Variants in TENM2 observed in about 807,000 individuals in gnomAD.
TENM2 encodes the protein teneurin-2.
TENM2 carries 52 observed loss-of-function variants against 245.2 expected under a neutral mutation model. The observed-to-expected ratio is 0.21, with a 90% CI of 0.17 to 0.27. The LOEUF is 0.27. Ranked by LOEUF, TENM2 falls within the 10% of genes least tolerant of loss-of-function variation. The probability of loss-of-function intolerance (pLI) is 1.00; values close to 1 mark genes in which losing one functional copy is unlikely to be tolerated. For missense variants in TENM2, 3,046 were observed against 3,666.8 expected (o/e 0.83, Z 4.37); for synonymous variants, 1,363 against 1,438.9 (o/e 0.95, Z 1.19).
chr5:167,006,198 C>G, the TENM2 span, among the ~76,000 whole-genome samples: 14 of 152,216 alleles, frequency 9.2e-5, no homozygotes, highest in Admixed American at 2.0e-4. Flanking sequence ...CAGATATATA[C>G]ACTTAATGTG....
At chr5:167,340,656 A>G (rs1414003459) in intron 1 of TENM2, among the ~76,000 whole-genome samples, 1 of 152,206 alleles carries the variant, frequency 6.6e-6, no homozygotes, top group Non-Finnish European at 1.5e-5. Flanking sequence ...CAGCTTATAC[A>G]TTTTGGTGGG....
At chr5:167,158,773 A>G in the TENM2 span, among the ~76,000 whole-genome samples, 2 of 151,946 alleles carry the variant, frequency 1.3e-5, no homozygotes, top group African/African-American at 4.8e-5. Context: ...CCCCATTTCC[A>G]AGTACCATCC....
the TENM2 span, among the ~76,000 whole-genome samples, chr5:167,025,177 A>G: frequency 6.6e-6 from 1 of 152,322 alleles, no homozygotes; most frequent in East Asian, 1.9e-4. Context: ...AGGTAAAGTT[A>G]ATTTTAATAA....
intron 12 of TENM2, among the ~76,000 whole-genome samples, chr5:168,145,745 C>T (rs1487509078): frequency 6.7e-6 from 1 of 150,022 alleles, no homozygotes; most frequent in Non-Finnish European, 1.5e-5. Context: ...ATGGGGATGG[C>T]ATTGAATCTG....
intron 5 of TENM2, among the ~76,000 whole-genome samples, chr5:168,036,727 A>ATATATATGTATGTG: frequency 6.8e-6 from 1 of 146,480 alleles, no homozygotes; most frequent in Admixed American, 6.9e-5. Flanking sequence ...GTATGTGTAT[A>ATATATATGTATGTG]TATATACGTA....
the TENM2 span, among the ~76,000 whole-genome samples, chr5:167,220,859 C>T: frequency 6.6e-6 from 1 of 151,574 alleles, no homozygotes; most frequent in African/African-American, 2.4e-5. Flanking sequence ...GAGTCTCACT[C>T]TGTTGCACCC....
At chr5:168,027,823 T>A (rs568636694) in intron 5 of TENM2, among the ~76,000 whole-genome samples, 17 of 152,338 alleles carry the variant, frequency 1.1e-4, no homozygotes, top group African/African-American at 3.6e-4. Flanking sequence ...TTCCCCTGTG[T>A]GGAATGTTCC....
At chr5:168,208,307 A>G (rs867438365) in intron 19 of TENM2, among the ~76,000 whole-genome samples, 1 of 152,240 alleles carries the variant, frequency 6.6e-6, no homozygotes. Context: ...AAATAATATT[A>G]TGATATTAAA....
chr5:167,967,773 GT>G (rs1036795552), intron 4 of TENM2, among the ~76,000 whole-genome samples: 3 of 152,208 alleles, frequency 2.0e-5, no homozygotes, highest in Non-Finnish European at 2.9e-5. Context: ...TAAGTTCACA[GT>G]TGAAAAAAGC....
chr5:167,901,358 T>A (rs1376300986), intron 3 of TENM2, among the ~76,000 whole-genome samples: 1 of 152,224 alleles, frequency 6.6e-6, no homozygotes, highest in Non-Finnish European at 1.5e-5. Context: ...AGGTATTACC[T>A]AATTCTAGAT....
intron 2 of TENM2, among the ~76,000 whole-genome samples, chr5:167,651,946 A>G (rs1044729518): frequency 7.9e-5 from 12 of 152,146 alleles, no homozygotes; most frequent in African/African-American, 2.7e-4. Context: ...CAGATGGCAT[A>G]TTTGGTTTTC....
At chr5:167,867,040 C>T (rs1772384037) in intron 2 of TENM2, among the ~76,000 whole-genome samples, 1 of 152,124 alleles carries the variant, frequency 6.6e-6, no homozygotes, top group African/African-American at 2.4e-5. Flanking sequence ...AATGTTTTTC[C>T]CTTTGAGAGG....
chr5:168,119,762 C>T (rs1339458077), intron 10 of TENM2, among the ~76,000 whole-genome samples: 2 of 152,148 alleles, frequency 1.3e-5, no homozygotes, highest in Non-Finnish European at 2.9e-5. Flanking sequence ...ATGTCCCCAA[C>T]AGAAATAGAA....
chr5:167,898,678 AAGG>A (rs1279629844), intron 3 of TENM2, among the ~76,000 whole-genome samples: 1 of 152,198 alleles, frequency 6.6e-6, no homozygotes, highest in Non-Finnish European at 1.5e-5. Context: ...TCTCAGCATT[AAGG>A]AGAACCTTGC....
At chr5:167,541,064 G>A (rs1351789435) in intron 2 of TENM2, among the ~76,000 whole-genome samples, 1 of 152,128 alleles carries the variant, frequency 6.6e-6, no homozygotes, top group Non-Finnish European at 1.5e-5. Context: ...GATGGAAAGG[G>A]GATAGGTACT....
intron 5 of TENM2, 54 bp downstream of exon 7, chr5:167,993,236 A>G (rs970729758): frequency 6.9e-7 from 1 of 1,452,888 alleles, no homozygotes. Context: ...ATGAGGGGAG[A>G]GGCCATGGAC....
In TENM2 at chr5:167,575,890, T is replaced by C. The variant is rs139610345; in HGVS notation, c.502+200417T>C. Among the ~76,000 whole-genome samples the C allele has an allele frequency of 3.5e-3, 539 of 152,332 alleles. 2 individuals are homozygous for C. The highest frequency in any genetic ancestry group is 0.012 in the African/African-American group (506 of 41,576). On this transcript the variant is annotated intron_variant, in intron 2 of 28. Coordinates refer to ENST00000518659, the Ensembl canonical transcript of TENM2. ...TTCTCAAATTCAATCTCGTTTTTTT[T>C]CTACATCGTTTTTTCCTGCGTGAAA...
chr5:166,979,744 T>C, the TENM2 span, among the ~76,000 whole-genome samples: 14 of 149,346 alleles, frequency 9.4e-5, no homozygotes, highest in African/African-American at 3.2e-4. Flanking sequence ...ACATTTAAAT[T>C]CGGCACTTCG....
At chr5:167,141,807 T>A in the TENM2 span, among the ~76,000 whole-genome samples, 1 of 152,354 alleles carries the variant, frequency 6.6e-6, no homozygotes, top group African/African-American at 2.4e-5. Flanking sequence ...AGTTTAGCTC[T>A]GATTAAAACA....
Sources: gnomAD v4.1 joint callset for allele counts (sites outside exome capture counted in the v4.1 genomes callset) on GRCh38, gnomAD v4.1.1 for gene constraint, MANE v1.5 for transcripts, NCBI Gene and HGNC (gene_info 2026-07-23, HGNC 2026-07-21) for gene names.